Variants in RAB1B observed in about 807,000 individuals in gnomAD.
RAB1B encodes the protein RAB1B, member RAS oncogene family.
In RAB1B, 10 loss-of-function variants were observed where a neutral mutation model predicts 24.8. The ratio of observed to expected loss-of-function variants is 0.40; its 90% CI spans 0.25 to 0.68. The LOEUF is 0.68. RAB1B is among the 30% of genes least tolerant of loss of function. The probability of loss-of-function intolerance (pLI) is 0.37; values close to 1 mark genes in which losing one functional copy is unlikely to be tolerated. For missense variants in RAB1B, 154 were observed against 271.2 expected, an observed-to-expected ratio of 0.57 and a Z score of 3.04; for synonymous variants, 99 against 111.7, an observed-to-expected ratio of 0.89 and a Z score of 0.72.
rs767613623 is a variant in RAB1B, at chr11:66,272,259, G to A, written c.183+7G>A. 184 of 1,612,228 alleles carry A rather than the reference G, an allele frequency of 1.1e-4. 1 individual carries two copies. The highest frequency in any genetic ancestry group is 1.6e-4 in the Middle Eastern group (1 of 6,082). On this transcript the variant is annotated splice_region_variant and intron_variant, in intron 3 of 5. Transcript: ENST00000311481. ...AACTATCAAACTTCAGATCGTGAGTGTCGCTCTTCCCAAAATCCCCAGTAC... is the reference window on the plus strand; with the variant it reads ...AACTATCAAACTTCAGATCGTGAGTATCGCTCTTCCCAAAATCCCCAGTAC...
intron 4 of RAB1B, 76 bp downstream of exon 4, chr11:66,272,536 CCT>C: frequency 2.1e-6 from 2 of 950,638 alleles, no homozygotes; most frequent in Non-Finnish European, 3.2e-6. Context: ...CTCCTTCCAT[CCT>C]CTCTTTCCTG....
Position 66,276,269 on chromosome 11 carries a change from C to T in RAB1B, c.*31C>T, listed in dbSNP as rs1430695231. 1.3e-6 allele frequency: 2 copies of T among 1,524,934 alleles called. No homozygotes were observed. The highest frequency in any genetic ancestry group is 1.8e-6 in the Non-Finnish European group (2 of 1,140,802). The allele number at this position is 1,524,934 out of a possible 1,614,324, so 94.5% of individuals were successfully genotyped here. A position where few individuals can be genotyped will look rare whatever the true frequency, so the allele number is the denominator to read the frequency against. The stretch of plus-strand genomic sequence containing the variant: ...GCACATGGAGTGGGACAGGAGGGGG[C>T]ACCTTCTCCAGATGATGTCCCTGGA... On this transcript the variant is annotated 3_prime_UTR_variant, in exon 6 of 6. Transcript: ENST00000311481.
intron 1 of RAB1B, chr11:66,270,564 G>A (rs1198404781): frequency 3.3e-5 from 5 of 152,260 alleles, no homozygotes; most frequent in Non-Finnish European, 2.9e-5. Context: ...GTGAGAGAGC[G>A]AGACTCTGTC....
intron 4 of RAB1B, among the ~76,000 whole-genome samples, chr11:66,274,782 C>T (rs996784400): frequency 6.8e-5 from 10 of 147,578 alleles, no homozygotes; most frequent in Non-Finnish European, 1.5e-4. Flanking sequence ...TCCCTGTCCC[C>T]CCTCCCTGTT....
At chr11:66,270,281 T>C (rs1210535528) in intron 1 of RAB1B, 1 of 150,086 alleles carries the variant, frequency 6.7e-6, no homozygotes, top group Admixed American at 6.7e-5. Flanking sequence ...TGTTGTTGTC[T>C]CCAAAGAGAT....
chr11:66,272,504 A>G, intron 4 of RAB1B, 44 bp downstream of exon 4: 1 of 1,326,758 alleles, frequency 7.5e-7, no homozygotes, highest in South Asian at 1.4e-5. Context: ...CCTTAGCCTT[A>G]GGTCTTTGAC....
At chr11:66,268,857 A>AGGGGCCCC in intron 1 of RAB1B, among the ~76,000 whole-genome samples, 164 bp downstream of exon 1, 1 of 12,148 alleles carries the variant, frequency 8.2e-5, no homozygotes, top group African/African-American at 3.3e-4. Flanking sequence ...CCCTCCCCCC[A>AGGGGCCCC]GGGGCCCCAG....
At chr11:66,269,337 G>T (rs1857012564) in intron 1 of RAB1B, among the ~76,000 whole-genome samples, 1 of 152,056 alleles carries the variant, frequency 6.6e-6, no homozygotes. Context: ...CAACGCCACC[G>T]TCACACCCCT....
intron 1 of RAB1B, chr11:66,271,341 A>G (rs2134860966): frequency 6.4e-6 from 1 of 156,958 alleles, no homozygotes; most frequent in Non-Finnish European, 1.4e-5. Context: ...TACAAAACTT[A>G]GACAAGCATG....
At position 66,272,216 on chromosome 11, in the gene RAB1B, C is replaced by T. The variant is rs766798368; in HGVS notation, c.147C>T (p.Thr49=). 31 of 1,613,874 alleles carry T rather than the reference C, an allele frequency of 1.9e-5. No homozygotes were observed. Among genetic ancestry groups the T allele is most frequent in the Non-Finnish European group, 2.6e-5 (31 of 1,179,890 alleles). ...STIGVDFKIR[T]IELDGKTIKL... ...TCGGGGTGGACTTCAAGATCCGAAC[C>T]ATCGAGCTGGATGGCAAAACTATCA... Residue 49 remains threonine, a synonymous_variant, in exon 3 of 6, where the codon ACC becomes ACT. Coordinates refer to ENST00000311481, the MANE Select transcript of RAB1B (RefSeq NM_030981.3).
intron 1 of RAB1B, chr11:66,270,045 T>C (rs2134859254): frequency 6.6e-6 from 1 of 152,292 alleles, no homozygotes; most frequent in South Asian, 2.1e-4. Flanking sequence ...TGGCACATTT[T>C]TTAATTTTTT....
Position 66,272,350 on chromosome 11 carries a change from C to T in RAB1B, c.184-15C>T. ...GGACCTCAGCTGACCTGCTCCTCTG[C>T]CTACTGTCTCCTAGTGGGACACAGC... On this transcript the variant is annotated splice_polypyrimidine_tract_variant and intron_variant, in intron 3 of 5. Coordinates refer to ENST00000311481, the MANE Select transcript of RAB1B (RefSeq NM_030981.3). The T allele has an allele frequency of 6.2e-7, 1 of 1,611,402 alleles. No individual in the cohort carries two copies. Among genetic ancestry groups the T allele is most frequent in the Non-Finnish European group, 8.5e-7 (1 of 1,177,756 alleles).
chr11:66,272,265 C>T lies in RAB1B; in HGVS notation c.183+13C>T. On this transcript the variant is annotated intron_variant, in intron 3 of 5. Coordinates refer to ENST00000311481, the MANE Select transcript of RAB1B (RefSeq NM_030981.3). ...CAAACTTCAGATCGTGAGTGTCGCT[C>T]TTCCCAAAATCCCCAGTACAGAGGT... 1 of 1,611,552 alleles carries T rather than the reference C, an allele frequency of 6.2e-7. No homozygotes were observed. Among genetic ancestry groups the T allele is most frequent in the Non-Finnish European group, 8.5e-7 (1 of 1,177,620 alleles).
chr11:66,272,618 A>T (rs1857079015), intron 4 of RAB1B, 158 bp downstream of exon 4: 1 of 547,302 alleles, frequency 1.8e-6, no homozygotes, highest in Non-Finnish European at 3.2e-6. Flanking sequence ...AAAATAGGTG[A>T]CTGTACTTGG....
chr11:66,273,282 G>A (rs1857090422), intron 4 of RAB1B, among the ~76,000 whole-genome samples: 1 of 152,164 alleles, frequency 6.6e-6, no homozygotes, highest in Non-Finnish European at 1.5e-5. Flanking sequence ...GGAGCAGCCG[G>A]GCTCTTTAGC....
rs1327563765 is a variant in RAB1B, at chr11:66,272,271, A to G, written c.183+19A>G. 3 of 1,607,874 alleles carry G rather than the reference A, an allele frequency of 1.9e-6. No homozygotes were observed. In the African/African-American group the frequency reaches 4.0e-5, roughly 21 times the overall value. ...TCAGATCGTGAGTGTCGCTCTTCCC[A>G]AAATCCCCAGTACAGAGGTATCCAC... On this transcript the variant is annotated intron_variant, in intron 3 of 5. Coordinates refer to ENST00000311481, the MANE Select transcript of RAB1B (RefSeq NM_030981.3).
rs749708310 is a variant in RAB1B at position 66,275,950 on chromosome 11, G to A, written c.411+15G>A. ...CCACAGCCAAGGTAGCAGACGGGCCGGTCTGCCCGGGGTCGGGGCGCTGGG... is the reference window on the plus strand; with the variant it reads ...CCACAGCCAAGGTAGCAGACGGGCCAGTCTGCCCGGGGTCGGGGCGCTGGG... On this transcript the variant is annotated intron_variant, in intron 5 of 5. Transcript: ENST00000311481. 51 of 1,610,616 alleles carry A rather than the reference G, an allele frequency of 3.2e-5. No individual in the cohort carries two copies. The highest frequency in any genetic ancestry group is 1.6e-4 in the East Asian group (7 of 44,704).
intron 4 of RAB1B, among the ~76,000 whole-genome samples, chr11:66,274,705 C>T (rs1247879448): frequency 6.8e-6 from 1 of 147,644 alleles, no homozygotes; most frequent in Admixed American, 6.8e-5. Context: ...TCCCCAATCC[C>T]CCCTCTTTCC....
chr11:66,269,381 A>T lies in RAB1B; in HGVS notation c.14+688A>T, dbSNP rs151023985. 3.2e-4 allele frequency among the ~76,000 whole-genome samples: 49 copies of T among 152,146 alleles called. No homozygotes were observed. The East Asian group carries it at 9.3e-3, about 29-fold the overall frequency. On this transcript the variant is annotated intron_variant, in intron 1 of 5. Transcript: ENST00000311481. ...CTGTCACACTGCCTGTGAAGTTTAG[A>T]TGAATATGGAATTTGCTCTCCCCCT...
Sources: gnomAD v4.1 joint callset for allele counts (sites outside exome capture counted in the v4.1 genomes callset) on GRCh38, gnomAD v4.1.1 for gene constraint, MANE v1.5 for transcripts, NCBI Gene and HGNC (gene_info 2026-07-23, HGNC 2026-07-21) for gene names.